TMEM9: variants seen among roughly 807,000 people sequenced by gnomAD.
The protein encoded by TMEM9 is transmembrane protein 9.
TMEM9 carries 13 observed loss-of-function variants against 22.8 expected under a neutral mutation model. The observed-to-expected ratio is 0.57, with a 90% CI of 0.37 to 0.91. The LOEUF (loss-of-function observed/expected upper bound fraction) is 0.91. Among genes scored for constraint, TMEM9 ranks in the 40% least tolerant of loss-of-function variants. The pLI is 0.01. For missense variants in TMEM9, 182 were observed against 238.1 expected (o/e 0.76, Z 1.55); for synonymous variants, 88 against 93.0 (o/e 0.95, Z 0.31).
chr1:201,162,696 C>T (rs1257398990), intron 1 of TMEM9, among the ~76,000 whole-genome samples: 1 of 151,998 alleles, frequency 6.6e-6, no homozygotes, highest in Non-Finnish European at 1.5e-5. Flanking sequence ...GAGTTCTTAA[C>T]ACCAAAAGCA....
At position 201,143,676 on chromosome 1, in the gene TMEM9, G is replaced by A. The variant is rs1572108686; in HGVS notation, c.399+144C>T. The A allele has an allele frequency of 8.4e-6, 6 of 715,174 alleles. No individual in the cohort carries two copies. In the East Asian group the frequency reaches 1.6e-4, roughly 20 times the overall value. The allele number at this position is 715,174 out of a possible 1,614,324, so 44.3% of individuals were successfully genotyped here. A position where few individuals can be genotyped will look rare whatever the true frequency, so the allele number is the denominator to read the frequency against. ...CAAAGAGCAGGTCCCTGCTGAGTCT[G>A]GGTGATGTGTACGACACTGACCAGA... On this transcript the variant is annotated intron_variant, in intron 4 of 4. Coordinates refer to ENST00000367330, the MANE Select transcript of TMEM9 (RefSeq NM_001288565.2).
intron 1 of TMEM9, among the ~76,000 whole-genome samples, chr1:201,167,236 G>A (rs545899943): frequency 6.6e-6 from 1 of 152,354 alleles, no homozygotes; most frequent in East Asian, 1.9e-4. Flanking sequence ...TGCGGGGCCA[G>A]CCACGCCACG....
At chr1:201,140,144 C>CCAT (rs1558105283) in intron 4 of TMEM9, among the ~76,000 whole-genome samples, 1 of 152,220 alleles carries the variant, frequency 6.6e-6, no homozygotes, top group Non-Finnish European at 1.5e-5. Flanking sequence ...GTTCCAGTTC[C>CCAT]CATCATCATC....
At chr1:201,139,192 A>G (rs568847441) in intron 4 of TMEM9, among the ~76,000 whole-genome samples, 1 of 151,994 alleles carries the variant, frequency 6.6e-6, no homozygotes, top group African/African-American at 2.4e-5. Flanking sequence ...GAGAGTGAGA[A>G]CCCCACCTCA....
At chr1:201,160,803 G>A (rs1388869388) in intron 1 of TMEM9, among the ~76,000 whole-genome samples, 1 of 151,746 alleles carries the variant, frequency 6.6e-6, no homozygotes, top group South Asian at 2.1e-4. Flanking sequence ...GGGCGTGGTC[G>A]CAGGTGCCTG....
chr1:201,155,904 A>G (rs1665778306), upstream of TMEM9, among the ~76,000 whole-genome samples: 1 of 152,166 alleles, frequency 6.6e-6, no homozygotes, highest in Non-Finnish European at 1.5e-5. Flanking sequence ...AGGCTCTATA[A>G]ATGGCAATGT....
chr1:201,168,872 G>A (rs1415313356), intron 1 of TMEM9, among the ~76,000 whole-genome samples: 4 of 151,904 alleles, frequency 2.6e-5, no homozygotes, highest in African/African-American at 7.3e-5. Flanking sequence ...GCTCACTGCA[G>A]CCTTGACCTC....
intron 1 of TMEM9, among the ~76,000 whole-genome samples, chr1:201,167,882 C>T (rs745989369): frequency 4.7e-4 from 72 of 152,204 alleles, no homozygotes; most frequent in Non-Finnish European, 8.4e-4. Flanking sequence ...AGATATAAAT[C>T]ATTCCCAGTT....
intron 2 of TMEM9, among the ~76,000 whole-genome samples, chr1:201,147,989 C>G (rs546829487): frequency 1.3e-5 from 2 of 152,332 alleles, no homozygotes; most frequent in Admixed American, 6.5e-5. Context: ...TTCGTGCTGT[C>G]TCCCCAGGAG....
At chr1:201,154,886 C>G (rs1215907336), upstream of TMEM9, among the ~76,000 whole-genome samples, 1 of 152,156 alleles carries the variant, frequency 6.6e-6, no homozygotes, top group African/African-American at 2.4e-5. Context: ...AGAAGACTTT[C>G]TGCGCGGCAA....
intron 1 of TMEM9, among the ~76,000 whole-genome samples, chr1:201,166,901 G>A (rs889239428): frequency 2.6e-5 from 4 of 152,192 alleles, no homozygotes; most frequent in African/African-American, 7.2e-5. Flanking sequence ...GTGTGATTCT[G>A]AGCAGGGCAG....
intron 4 of TMEM9, among the ~76,000 whole-genome samples, chr1:201,141,541 G>C (rs1047371850): frequency 6.6e-6 from 1 of 152,104 alleles, no homozygotes; most frequent in African/African-American, 2.4e-5. Context: ...CCTAGGTCAG[G>C]GTATCAAAGA....
intron 1 of TMEM9, among the ~76,000 whole-genome samples, chr1:201,153,196 G>A (rs1375957316): frequency 6.6e-6 from 1 of 152,162 alleles, no homozygotes; most frequent in East Asian, 1.9e-4. Context: ...TGTGTTAATA[G>A]TACATCATAT....
intron 1 of TMEM9, among the ~76,000 whole-genome samples, chr1:201,167,775 A>T (rs1666114310): frequency 6.6e-6 from 1 of 152,228 alleles, no homozygotes; most frequent in Non-Finnish European, 1.5e-5. Flanking sequence ...GGCAAGATGA[A>T]GTTTAGCTAG....
chr1:201,146,696 T>C (rs374236419), intron 3 of TMEM9, 44 bp downstream of exon 3: 45 of 1,574,754 alleles, frequency 2.9e-5, no homozygotes, highest in Non-Finnish European at 3.4e-5. Context: ...GATTGGAGAA[T>C]GGCGTGTGGG....
intron 3 of TMEM9, 40 bp downstream of exon 3, chr1:201,146,700 G>A (rs113267001): frequency 5.6e-5 from 89 of 1,580,034 alleles, no homozygotes; most frequent in African/African-American, 4.3e-4. Context: ...GGAGAATGGC[G>A]TGTGGGAATC....
intron 1 of TMEM9, among the ~76,000 whole-genome samples, chr1:201,152,161 G>GGTGGGT (rs1665479345): frequency 6.7e-6 from 1 of 149,960 alleles, no homozygotes; most frequent in Non-Finnish European, 1.5e-5. Context: ...AGGGGAAATG[G>GGTGGGT]GTGTGTGTGT....
chr1:201,147,087 T>C (rs546386568), intron 2 of TMEM9, among the ~76,000 whole-genome samples: 1 of 152,334 alleles, frequency 6.6e-6, no homozygotes, highest in South Asian at 2.1e-4. Flanking sequence ...CCTACAGGGC[T>C]GGCTCCAAAA....
intron 4 of TMEM9, among the ~76,000 whole-genome samples, chr1:201,141,235 C>G (rs1055754251): frequency 6.6e-6 from 1 of 152,254 alleles, no homozygotes; most frequent in Non-Finnish European, 1.5e-5. Context: ...CCAGCCTTTA[C>G]GTTTCCTGCT....
Sources: gnomAD v4.1 joint callset for allele counts (sites outside exome capture counted in the v4.1 genomes callset) on GRCh38, gnomAD v4.1.1 for gene constraint, MANE v1.5 for transcripts, NCBI Gene and HGNC (gene_info 2026-07-23, HGNC 2026-07-21) for gene names.